SLC24A2: variants seen among roughly 807,000 people sequenced by gnomAD.
SLC24A2 encodes sodium/potassium/calcium exchanger 2.
SLC24A2 carries 36 observed loss-of-function variants against 62.0 expected under a neutral mutation model. The observed-to-expected ratio is 0.58, with a 90% confidence interval of 0.44 to 0.77. The LOEUF is 0.77. Ranked by LOEUF, SLC24A2 falls within the 30% of genes least tolerant of loss-of-function variation. The probability of loss-of-function intolerance (pLI) is 0.00; values close to 1 mark genes in which losing one functional copy is unlikely to be tolerated. For missense variants in SLC24A2, 846 were observed against 817.9 expected (o/e 1.03, Z -0.42); for synonymous variants, 358 against 294.0 (o/e 1.22, Z -2.23).
chr9:20,103,415 T>C, the SLC24A2 span, among the ~76,000 whole-genome samples: 1 of 152,214 alleles, frequency 6.6e-6, no homozygotes, highest in Non-Finnish European at 1.5e-5. Context: ...CCCTGACCCC[T>C]GACCCCCGAG....
At chr9:20,218,307 T>A in the SLC24A2 span, among the ~76,000 whole-genome samples, 2 of 152,192 alleles carry the variant, frequency 1.3e-5, no homozygotes, top group Non-Finnish European at 2.9e-5. Context: ...TTGACCTCTG[T>A]AAAAGAACCC....
the SLC24A2 span, among the ~76,000 whole-genome samples, chr9:20,079,426 T>C: frequency 1.3e-5 from 2 of 152,242 alleles, no homozygotes; most frequent in African/African-American, 2.4e-5. Context: ...AATATAAACA[T>C]ACATATGCCT....
the SLC24A2 span, among the ~76,000 whole-genome samples, chr9:20,242,702 C>T: frequency 1.3e-5 from 2 of 152,302 alleles, no homozygotes; most frequent in East Asian, 3.9e-4. Flanking sequence ...TAAATAGCTG[C>T]GGTTAAAACA....
Position 19,585,506 on chromosome 9 carries a change from G to C in SLC24A2, c.1130-8484C>G, listed in dbSNP as rs1836347677. 2.0e-5 allele frequency among the ~76,000 whole-genome samples: 3 copies of C among 152,258 alleles called. No homozygotes were observed. In the South Asian group the frequency reaches 6.2e-4, roughly 32 times the overall value. On this transcript the variant is annotated intron_variant, in intron 5 of 10. Transcript: ENST00000341998. ...CAATGACTCCTTTTATTGGAAAATG[G>C]TATTTAGAAACCAAGATCTGAGAAC...
At chr9:19,528,193 C>G (rs1156387322) in intron 8 of SLC24A2, 55 bp from the exon 9 acceptor site, 11 of 1,181,758 alleles carry the variant, frequency 9.3e-6, no homozygotes, top group Admixed American at 2.0e-5. Context: ...TGAGACTGAT[C>G]TGGAAATCCA....
At chr9:20,230,611 T>C in the SLC24A2 span, among the ~76,000 whole-genome samples, 3 of 152,256 alleles carry the variant, frequency 2.0e-5, no homozygotes, top group Non-Finnish European at 4.4e-5. Context: ...TTGTTTGAGT[T>C]CATTGTAGAT....
At chr9:20,231,189 T>C in the SLC24A2 span, among the ~76,000 whole-genome samples, 978 of 152,346 alleles carry the variant, frequency 6.4e-3, 14 homozygotes, top group African/African-American at 0.023. Context: ...CTTTGTTCTT[T>C]TGGCTTAAGA....
At chr9:20,034,451 GTTTTT>G in the SLC24A2 span, among the ~76,000 whole-genome samples, 1 of 83,180 alleles carries the variant, frequency 1.2e-5, no homozygotes, top group East Asian at 4.1e-4. Flanking sequence ...GGCCTTTTAA[GTTTTT>G]TTTTTTTTTT....
chr9:20,054,527 T>C, the SLC24A2 span, among the ~76,000 whole-genome samples: 1 of 152,300 alleles, frequency 6.6e-6, no homozygotes, highest in East Asian at 1.9e-4. Context: ...GGTGCACCCA[T>C]CGCCCAAGCA....
chr9:19,636,328 T>TTTCTTTCC (rs1818337716), intron 2 of SLC24A2, among the ~76,000 whole-genome samples: 3 of 28,856 alleles, frequency 1.0e-4, no homozygotes, highest in South Asian at 1.3e-3. Flanking sequence ...TCTTTCTTTC[T>TTTCTTTCC]TTCTTTCTTT....
chr9:20,133,733 A>G, the SLC24A2 span, among the ~76,000 whole-genome samples: 2 of 152,154 alleles, frequency 1.3e-5, no homozygotes, highest in East Asian at 3.9e-4. Context: ...AAGCCATAAA[A>G]CTGAATTTGA....
intron 5 of SLC24A2, among the ~76,000 whole-genome samples, chr9:19,584,791 A>G (rs1210756267): frequency 1.3e-5 from 2 of 152,072 alleles, no homozygotes; most frequent in African/African-American, 4.8e-5. Context: ...TTTATTCCCA[A>G]ATCTGTCTTT....
chr9:20,020,933 T>A, the SLC24A2 span, among the ~76,000 whole-genome samples: 8 of 152,200 alleles, frequency 5.3e-5, no homozygotes, highest in South Asian at 2.1e-4. Flanking sequence ...CATGTGGCTC[T>A]TTTCTACTGG....
At chr9:20,299,005 G>C in the SLC24A2 span, among the ~76,000 whole-genome samples, 1 of 152,170 alleles carries the variant, frequency 6.6e-6, no homozygotes, top group South Asian at 2.1e-4. Context: ...AGATGGTTTG[G>C]GGGTCGGGAT....
At chr9:20,258,587 G>T in the SLC24A2 span, among the ~76,000 whole-genome samples, 1 of 152,102 alleles carries the variant, frequency 6.6e-6, no homozygotes, top group Non-Finnish European at 1.5e-5. Flanking sequence ...CTGACTTTGG[G>T]CTCTGGGACT....
chr9:20,232,194 C>A, the SLC24A2 span, among the ~76,000 whole-genome samples: 1 of 152,096 alleles, frequency 6.6e-6, no homozygotes, highest in Non-Finnish European at 1.5e-5. Flanking sequence ...GTCTAAAATT[C>A]TCTTTTTTGG....
In SLC24A2 at chr9:19,558,264, A is replaced by G. The variant is rs1835201336; in HGVS notation, c.1348-7996T>C. 3.9e-5 allele frequency among the ~76,000 whole-genome samples: 6 copies of G among 152,280 alleles called. No individual in the cohort carries two copies. In the South Asian group the frequency reaches 1.2e-3, roughly 32 times the overall value. On this transcript the variant is annotated intron_variant, in intron 7 of 10. Transcript: ENST00000341998. ...ACTGAGATGCCCTCTTCTCTCCTTT[A>G]GCTTACTGAGTAACATCTCCAAGTT...
the SLC24A2 span, among the ~76,000 whole-genome samples, chr9:19,980,333 T>C: frequency 4.6e-5 from 7 of 152,122 alleles, no homozygotes; most frequent in Non-Finnish European, 1.0e-4. Flanking sequence ...AAGCAGGGCA[T>C]TTTAGGTTAA....
chr9:19,820,027 A>C, the SLC24A2 span, among the ~76,000 whole-genome samples: 1 of 40,486 alleles, frequency 2.5e-5, no homozygotes, highest in African/African-American at 5.1e-5. Context: ...ATATATATAC[A>C]CATATATATA....
Sources: gnomAD v4.1 joint callset for allele counts (sites outside exome capture counted in the v4.1 genomes callset) on GRCh38, gnomAD v4.1.1 for gene constraint, MANE v1.5 for transcripts, NCBI Gene and HGNC (gene_info 2026-07-23, HGNC 2026-07-21) for gene names.